Variants in MAP2K1 observed in about 807,000 individuals in gnomAD.
MAP2K1 encodes dual specificity mitogen-activated protein kinase kinase 1.
A neutral mutation model predicts 46.3 loss-of-function variants in MAP2K1; 16 were observed. The ratio of observed to expected loss-of-function variants is 0.35; its 90% CI spans 0.23 to 0.52. MAP2K1 has a LOEUF of 0.52. Ranked by LOEUF, MAP2K1 falls within the 20% of genes least tolerant of loss-of-function variation. MAP2K1 has a pLI of 0.94. For synonymous variants in MAP2K1, 183 were observed against 185.6 expected (o/e 0.99, Z 0.11); for missense variants, 263 against 497.1 (o/e 0.53, Z 4.48).
At chr15:66,446,326 C>T (rs1157606334) in intron 5 of MAP2K1, 1 of 152,830 alleles carries the variant, frequency 6.5e-6, no homozygotes, top group Admixed American at 6.5e-5. Flanking sequence ...GTAGTCCCAG[C>T]TACTCAGGAG....
chr15:66,478,664 C>G (rs1325129709), intron 5 of MAP2K1, among the ~76,000 whole-genome samples: 1 of 151,408 alleles, frequency 6.6e-6, no homozygotes, highest in Non-Finnish European at 1.5e-5. Flanking sequence ...CATGCCCAGC[C>G]AATTTTTGTA....
At chr15:66,462,603 G>GAAA (rs56063254) in intron 5 of MAP2K1, among the ~76,000 whole-genome samples, 368 of 148,630 alleles carry the variant, frequency 2.5e-3, no homozygotes, top group Middle Eastern at 0.014. Flanking sequence ...AGATTTTTCT[G>GAAA]AAAAAAAAAA....
intron 5 of MAP2K1, among the ~76,000 whole-genome samples, chr15:66,467,710 G>A (rs1399020779): frequency 6.6e-6 from 1 of 152,148 alleles, no homozygotes; most frequent in East Asian, 1.9e-4. Context: ...ACAGGTGCCT[G>A]CCACCACGCC....
chr15:66,460,806 C>T (rs577618852), intron 5 of MAP2K1, among the ~76,000 whole-genome samples: 1 of 152,062 alleles, frequency 6.6e-6, no homozygotes, highest in South Asian at 2.1e-4. Context: ...AGTGAAGGGA[C>T]AGGATGGGGA....
intron 1 of MAP2K1, among the ~76,000 whole-genome samples, chr15:66,432,205 T>C (rs577727051): frequency 6.6e-6 from 1 of 152,280 alleles, no homozygotes; most frequent in African/African-American, 2.4e-5. Context: ...TCCTCATCCA[T>C]ACACACCTGC....
chr15:66,401,917 G>T (rs1273063512), intron 1 of MAP2K1: 1 of 1,217,380 alleles, frequency 8.2e-7, no homozygotes, highest in South Asian at 1.3e-5. Context: ...CGGGTGCATC[G>T]GTTCGGGTCG....
intron 5 of MAP2K1, among the ~76,000 whole-genome samples, chr15:66,473,559 A>T (rs1892689184): frequency 6.6e-6 from 1 of 152,186 alleles, no homozygotes; most frequent in African/African-American, 2.4e-5. Context: ...TGGGATTCAT[A>T]AGCATTTCCC....
intron 5 of MAP2K1, among the ~76,000 whole-genome samples, chr15:66,448,610 G>A (rs1891942963): frequency 6.6e-6 from 1 of 152,204 alleles, no homozygotes; most frequent in Non-Finnish European, 1.5e-5. Context: ...TGGCAGACTT[G>A]TAGTTGGAAT....
At chr15:66,421,942 A>T (rs1444818044) in intron 1 of MAP2K1, among the ~76,000 whole-genome samples, 3 of 148,734 alleles carry the variant, frequency 2.0e-5, no homozygotes, top group Non-Finnish European at 4.4e-5. Flanking sequence ...TGAGCCTCAT[A>T]TCCCCACAAA....
At chr15:66,417,266 CT>C (rs1173466146) in intron 1 of MAP2K1, among the ~76,000 whole-genome samples, 3 of 152,172 alleles carry the variant, frequency 2.0e-5, no homozygotes, top group African/African-American at 7.2e-5. Context: ...TTTTCTACCC[CT>C]AGTTTAACAT....
At chr15:66,489,819 T>C (rs376186921) in intron 10 of MAP2K1, 56 bp downstream of exon 10, 1 of 1,437,282 alleles carries the variant, frequency 7.0e-7, no homozygotes, top group Non-Finnish European at 9.8e-7. Flanking sequence ...TGTTCTTCTC[T>C]GTCAGTCATC....
chr15:66,447,622 C>T (rs1891905864), intron 5 of MAP2K1, among the ~76,000 whole-genome samples: 1 of 146,450 alleles, frequency 6.8e-6, no homozygotes, highest in African/African-American at 2.5e-5. Context: ...ACCTGGGGGG[C>T]GGAGGTTGCA....
intron 5 of MAP2K1, among the ~76,000 whole-genome samples, chr15:66,472,801 T>G (rs1892671518): frequency 6.6e-6 from 1 of 152,248 alleles, no homozygotes; most frequent in Non-Finnish European, 1.5e-5. Flanking sequence ...TATGTTAAGC[T>G]GTGACCCAGG....
intron 1 of MAP2K1, among the ~76,000 whole-genome samples, chr15:66,399,280 A>G (rs1365392837): frequency 1.3e-5 from 2 of 152,182 alleles, no homozygotes; most frequent in African/African-American, 4.8e-5. Context: ...TGTATGTTTG[A>G]AAAAAATTTG....
chr15:66,441,345 C>G (rs1052601773), intron 3 of MAP2K1, among the ~76,000 whole-genome samples: 1 of 152,160 alleles, frequency 6.6e-6, no homozygotes, highest in Non-Finnish European at 1.5e-5. Flanking sequence ...TCTGGGCTGC[C>G]CCCTGTCCTA....
chr15:66,424,655 C>G (rs1231045777), intron 1 of MAP2K1, among the ~76,000 whole-genome samples: 1 of 152,070 alleles, frequency 6.6e-6, no homozygotes, highest in Non-Finnish European at 1.5e-5. Context: ...TGAACTGTCC[C>G]TTAATCCTTT....
chr15:66,426,640 TGTG>T (rs747673078), intron 1 of MAP2K1, among the ~76,000 whole-genome samples: 26 of 152,196 alleles, frequency 1.7e-4, no homozygotes, highest in Non-Finnish European at 8.8e-5. Flanking sequence ...TCTTTCACAT[TGTG>T]GTGAAACTAC....
intron 1 of MAP2K1, among the ~76,000 whole-genome samples, chr15:66,423,604 ATTT>A (rs142169839): frequency 8.8e-6 from 1 of 113,154 alleles, no homozygotes; most frequent in Non-Finnish European, 1.7e-5. Context: ...TGCCAGGCTA[ATTT>A]TTTTTTTTTT....
intron 5 of MAP2K1, among the ~76,000 whole-genome samples, chr15:66,455,526 T>G (rs775643183): frequency 6.6e-6 from 1 of 152,222 alleles, no homozygotes; most frequent in Non-Finnish European, 1.5e-5. Context: ...TGAGGAAGAT[T>G]AGCTGTTTTC....
Sources: gnomAD v4.1 joint callset for allele counts (sites outside exome capture counted in the v4.1 genomes callset) on GRCh38, gnomAD v4.1.1 for gene constraint, MANE v1.5 for transcripts, NCBI Gene and HGNC (gene_info 2026-07-23, HGNC 2026-07-21) for gene names.